LRRIQ3: variants seen among roughly 807,000 people sequenced by gnomAD.
LRRIQ3 encodes the protein leucine-rich repeat and IQ domain-containing protein 3.
Under a neutral mutation model 59.3 loss-of-function variants are expected in LRRIQ3, and 75 were observed. The observed-to-expected ratio is 1.26, with a 90% CI of 1.05 to 1.53. The LOEUF (loss-of-function observed/expected upper bound fraction) is 1.53, where lower values mean the gene tolerates loss of function less well. LRRIQ3 is among the 40% of genes most tolerant of loss of function. The pLI, the probability that LRRIQ3 is intolerant of heterozygous loss-of-function variation, is 0.00. For synonymous variants in LRRIQ3, 250 were observed against 231.3 expected (o/e 1.08, Z -0.73); for missense variants, 831 against 710.0 (o/e 1.17, Z -1.94).
At chr1:74,077,213 T>C (rs976315213) in intron 5 of LRRIQ3, among the ~76,000 whole-genome samples, 24 of 150,798 alleles carry the variant, frequency 1.6e-4, no homozygotes, top group African/African-American at 5.8e-4. Context: ...ATCACTCTCG[T>C]ATTTTCCTAC....
At chr1:74,037,290 C>A (rs892712692) in intron 7 of LRRIQ3, among the ~76,000 whole-genome samples, 1 of 152,082 alleles carries the variant, frequency 6.6e-6, no homozygotes, top group Non-Finnish European at 1.5e-5. Flanking sequence ...TCAAAAAGAA[C>A]CATAACTGCC....
intron 5 of LRRIQ3, among the ~76,000 whole-genome samples, chr1:74,087,918 G>A (rs1440936648): frequency 6.6e-6 from 1 of 151,768 alleles, no homozygotes; most frequent in Non-Finnish European, 1.5e-5. Context: ...CCAATACGGT[G>A]AAACCCTGTC....
rs566558837 is a variant in LRRIQ3, at chr1:74,132,528, T to C, written c.708-22975A>G. ...GTACCAAAACAGAGATATAGACCAA[T>C]GGAACAGAACAGAGCCCTCAGAAAT... is the stretch of plus-strand genomic sequence containing the variant. On this transcript the variant is annotated intron_variant, in intron 4 of 7. Transcript: ENST00000354431. Among the ~76,000 whole-genome samples the C allele has an allele frequency of 2.8e-3, 419 of 152,056 alleles. 1 individual carries two copies. Among genetic ancestry groups the C allele is most frequent in the African/African-American group, 9.5e-3 (395 of 41,484 alleles).
chr1:74,028,281 A>G (rs1343499621), intron 7 of LRRIQ3, among the ~76,000 whole-genome samples: 1 of 152,016 alleles, frequency 6.6e-6, no homozygotes, highest in East Asian at 1.9e-4. Context: ...GAGAGGGTGA[A>G]GTCTAAAAAG....
chr1:74,162,504 AG>A (rs1648719249), intron 3 of LRRIQ3, among the ~76,000 whole-genome samples: 1 of 151,822 alleles, frequency 6.6e-6, no homozygotes, highest in Non-Finnish European at 1.5e-5. Context: ...AACGAAATAG[AG>A]TGAGACATGC....
chr1:74,051,801 CT>C (rs1363788961), intron 6 of LRRIQ3, among the ~76,000 whole-genome samples: 5 of 152,146 alleles, frequency 3.3e-5, no homozygotes, highest in Non-Finnish European at 5.9e-5. Flanking sequence ...TAAATTACAG[CT>C]TTATGATACG....
chr1:74,111,376 T>A (rs756298686), intron 4 of LRRIQ3, among the ~76,000 whole-genome samples: 1 of 151,912 alleles, frequency 6.6e-6, no homozygotes, highest in Non-Finnish European at 1.5e-5. Flanking sequence ...AGAAAAAAAA[T>A]TCCAGTCAGA....
chr1:74,048,680 T>C (rs956485254), intron 6 of LRRIQ3, among the ~76,000 whole-genome samples: 3 of 44,416 alleles, frequency 6.8e-5, no homozygotes, highest in African/African-American at 1.2e-4. Context: ...ACTTTTTATG[T>C]AAATTTTTTT....
intron 6 of LRRIQ3, among the ~76,000 whole-genome samples, chr1:74,066,179 T>A (rs1654860769): frequency 7.6e-6 from 1 of 131,524 alleles, no homozygotes. Context: ...AGAGAGAAAC[T>A]CTGTCTCGAA....
At chr1:74,189,314 C>CCA (rs908444786) in intron 1 of LRRIQ3, among the ~76,000 whole-genome samples, 2 of 152,160 alleles carry the variant, frequency 1.3e-5, no homozygotes, top group African/African-American at 4.8e-5. Context: ...GTCTCCTCAG[C>CCA]CACATTCTAC....
intron 1 of LRRIQ3, among the ~76,000 whole-genome samples, chr1:74,191,315 G>T (rs1255670596): frequency 6.6e-6 from 1 of 152,102 alleles, no homozygotes; most frequent in Non-Finnish European, 1.5e-5. Flanking sequence ...TGAGAGAAGA[G>T]AAATGATATA....
In LRRIQ3 at chr1:74,109,465, C is replaced by A; in HGVS notation, c.796G>T (p.Asp266Tyr). 4 of 1,576,034 alleles carry A rather than the reference C, an allele frequency of 2.5e-6. No homozygotes were observed. The highest frequency in any genetic ancestry group is 1.2e-5 in the South Asian group (1 of 82,508). Residue 266 changes from aspartate to tyrosine, a missense_variant, in exon 5 of 8, where the codon GAT becomes TAT. Transcript: ENST00000354431. ...AAAAAGAGATCCTTAAGGAGCTTAT[C>A]TTCATACCCTTTGGTTATGTAAATC... The part of the protein sequence containing the change: ...KWIYITKGYE[D>Y]KLLKDLFFKP...
chr1:74,197,744 G>A (rs974844002), intron 1 of LRRIQ3, among the ~76,000 whole-genome samples: 3 of 152,198 alleles, frequency 2.0e-5, no homozygotes, highest in Non-Finnish European at 2.9e-5. Context: ...AGAAAGAGCA[G>A]AGATTTTAAA....
chr1:74,117,315 T>C (rs1570143454), intron 4 of LRRIQ3, among the ~76,000 whole-genome samples: 1 of 152,068 alleles, frequency 6.6e-6, no homozygotes, highest in Admixed American at 6.6e-5. Flanking sequence ...CTCATTTCAT[T>C]AAATAAAGAC....
chr1:74,084,576 G>A (rs572741875), intron 5 of LRRIQ3, among the ~76,000 whole-genome samples: 2 of 151,562 alleles, frequency 1.3e-5, no homozygotes, highest in Non-Finnish European at 3.0e-5. Flanking sequence ...ATTTCCCACA[G>A]AAAGACAAAA....
At position 74,041,499 on chromosome 1, in the gene LRRIQ3, T is replaced by C; in HGVS notation, c.1432A>G (p.Thr478Ala). Reference protein sequence around the residue: ...TQKLIEENKETIQNSLRQVWQ... With the variant: ...TQKLIEENKEAIQNSLRQVWQ... ...ACTTGTCGTAAACTGTTCTGAATTGTCTCTTTATTTTCTTCAATTAGTTTT... is the reference window on the plus strand; with the variant it reads ...ACTTGTCGTAAACTGTTCTGAATTGCCTCTTTATTTTCTTCAATTAGTTTT... The change falls in exon 7 of 8, where the codon ACA (threonine) becomes GCA (alanine). Residue 478 changes from threonine to alanine, a missense_variant. By Grantham distance (58) the Thr-to-Ala change is moderately conservative (BLOSUM62 0). Transcript: ENST00000354431. 6.2e-7 allele frequency: 1 copy of C among 1,611,616 alleles called. No homozygotes were observed. The highest frequency in any genetic ancestry group is 1.3e-5 in the African/African-American group (1 of 74,768).
chr1:74,140,760 A>G (rs923150888), intron 4 of LRRIQ3, among the ~76,000 whole-genome samples: 3 of 151,764 alleles, frequency 2.0e-5, no homozygotes, highest in South Asian at 2.1e-4. Context: ...TTCACACCAA[A>G]TAAGTTATTA....
chr1:74,177,922 C>T (rs1192303202), intron 3 of LRRIQ3, among the ~76,000 whole-genome samples: 3 of 151,946 alleles, frequency 2.0e-5, no homozygotes, highest in South Asian at 4.2e-4. Context: ...TATTTTCTAT[C>T]GATTTATTCT....
Position 74,109,473 on chromosome 1 carries a change from C to A in LRRIQ3, c.788G>T (p.Gly263Val). Residue 263 changes from glycine (G) to valine (V), a missense_variant, in exon 5 of 8, where the codon GGG (glycine) becomes GTG (valine). Transcript: ENST00000354431. ...ATCCTTAAGGAGCTTATCTTCATAC[C>A]CTTTGGTTATGTAAATCCATTTTGC... The part of the protein sequence containing the change: ...YEAKWIYITK[G>V]YEDKLLKDLF... The A allele has an allele frequency of 1.3e-6, 2 of 1,571,470 alleles. No homozygotes were observed. Among genetic ancestry groups the A allele is most frequent in the East Asian group, 4.6e-5 (2 of 43,158 alleles).
Sources: allele counts gnomAD v4.1 joint callset (sites outside exome capture counted in the v4.1 genomes callset), GRCh38; gene constraint gnomAD v4.1.1; transcripts MANE v1.5; gene names NCBI Gene and HGNC (gene_info 2026-07-23, HGNC 2026-07-21).